Variants in STXBP5L observed in about 807,000 individuals in gnomAD.
STXBP5L encodes syntaxin-binding protein 5-like.
Under a neutral mutation model 144.5 loss-of-function variants are expected in STXBP5L, and 65 were observed. That is an observed-to-expected ratio of 0.45 (90% CI 0.37 to 0.55). STXBP5L has a LOEUF of 0.55. Ranked by LOEUF, STXBP5L falls within the 20% of genes least tolerant of loss-of-function variation. The pLI is 0.00. For synonymous variants in STXBP5L, 505 were observed against 469.6 expected, an observed-to-expected ratio of 1.08 and a Z score of -0.97; for missense variants, 1,298 against 1,405.5, an observed-to-expected ratio of 0.92 and a Z score of 1.22.
At chr3:121,036,547 C>T (rs1386033456) in intron 3 of STXBP5L, among the ~76,000 whole-genome samples, 1 of 151,934 alleles carries the variant, frequency 6.6e-6, no homozygotes, top group Admixed American at 6.6e-5. Context: ...ATAGATGATT[C>T]TTGCTTTATT....
At chr3:121,034,899 C>A (rs190419338) in intron 3 of STXBP5L, among the ~76,000 whole-genome samples, 1 of 152,082 alleles carries the variant, frequency 6.6e-6, no homozygotes, top group African/African-American at 2.4e-5. Flanking sequence ...TTTTGACTTT[C>A]TAATAATAGT....
intron 5 of STXBP5L, among the ~76,000 whole-genome samples, chr3:121,090,928 C>G (rs908686187): frequency 1.0e-5 from 1 of 98,482 alleles, no homozygotes; most frequent in African/African-American, 4.6e-5. Flanking sequence ...TCCCTCCCCC[C>G]TCCCCCCACC....
intron 3 of STXBP5L, among the ~76,000 whole-genome samples, chr3:121,039,727 T>G (rs1442298956): frequency 6.6e-6 from 1 of 151,910 alleles, no homozygotes; most frequent in African/African-American, 2.4e-5. Context: ...AAAAAAAATT[T>G]TATCTCTTCT....
chr3:120,933,399 T>G (rs1314854577), intron 2 of STXBP5L, among the ~76,000 whole-genome samples: 3 of 152,188 alleles, frequency 2.0e-5, no homozygotes, highest in Admixed American at 2.0e-4. Context: ...TCTATACTGA[T>G]GGAGTAGTGT....
chr3:121,077,800 C>G (rs2042083482), intron 5 of STXBP5L, among the ~76,000 whole-genome samples: 1 of 152,066 alleles, frequency 6.6e-6, no homozygotes, highest in South Asian at 2.1e-4. Context: ...TCTCCAAGTC[C>G]CCATCAGAGT....
intron 9 of STXBP5L, among the ~76,000 whole-genome samples, chr3:121,203,621 C>A (rs1433836675): frequency 2.0e-5 from 3 of 152,060 alleles, no homozygotes; most frequent in Non-Finnish European, 4.4e-5. Flanking sequence ...CACAAAAATT[C>A]TCTCCCAAGA....
intron 5 of STXBP5L, among the ~76,000 whole-genome samples, chr3:121,070,907 T>C (rs1459638621): frequency 1.3e-5 from 2 of 152,180 alleles, no homozygotes; most frequent in African/African-American, 2.4e-5. Context: ...ATTCGGACTT[T>C]AAACCCGAAG....
chr3:121,073,754 C>T (rs779215532), intron 5 of STXBP5L, among the ~76,000 whole-genome samples: 29 of 152,064 alleles, frequency 1.9e-4, no homozygotes, highest in Non-Finnish European at 2.4e-4. Flanking sequence ...AATGGTTTTG[C>T]CAAAAGCGAG....
At chr3:121,092,816 G>A (rs1460428771) in intron 5 of STXBP5L, among the ~76,000 whole-genome samples, 3 of 152,176 alleles carry the variant, frequency 2.0e-5, no homozygotes, top group Admixed American at 2.0e-4. Flanking sequence ...ATGTTGAATA[G>A]GAGTGGTGAG....
chr3:121,271,895 A>C (rs1476878260), intron 18 of STXBP5L, among the ~76,000 whole-genome samples: 1 of 152,194 alleles, frequency 6.6e-6, no homozygotes, highest in Non-Finnish European at 1.5e-5. Flanking sequence ...GTGGAAGGTG[A>C]AGGGGAAGCA....
chr3:121,134,098 G>T (rs899706871), intron 7 of STXBP5L, among the ~76,000 whole-genome samples: 2 of 152,074 alleles, frequency 1.3e-5, no homozygotes, highest in Admixed American at 6.5e-5. Flanking sequence ...ATAAAGAAAA[G>T]GAATTTATTT....
At position 120,983,989 on chromosome 3, in the gene STXBP5L, C is replaced by T. The variant is rs543476068; in HGVS notation, c.287+28952C>T. Among the ~76,000 whole-genome samples the T allele has an allele frequency of 5.3e-5, 8 of 152,352 alleles. 1 individual carries two copies. In the South Asian group the frequency reaches 8.3e-4, roughly 16 times the overall value. On this transcript the variant is annotated intron_variant, in intron 3 of 26. Transcript: ENST00000471454. ...TGTGGCATCCCTGGTGATCAGAGTG[C>T]AGAGTAGCTGCTGAGTTTCACACGT...
At chr3:121,059,360 G>A (rs2107623374) in intron 5 of STXBP5L, among the ~76,000 whole-genome samples, 1 of 152,290 alleles carries the variant, frequency 6.6e-6, no homozygotes. Context: ...GTACCATGGT[G>A]TTTTCATTAC....
chr3:121,314,784 A>G (rs2043721054), intron 19 of STXBP5L, among the ~76,000 whole-genome samples: 1 of 152,244 alleles, frequency 6.6e-6, no homozygotes, highest in Non-Finnish European at 1.5e-5. Flanking sequence ...AAACAAGTTT[A>G]CAAGAAAAAA....
At chr3:121,165,197 T>C (rs188850786) in intron 9 of STXBP5L, among the ~76,000 whole-genome samples, 2 of 152,310 alleles carry the variant, frequency 1.3e-5, no homozygotes, top group African/African-American at 4.8e-5. Context: ...GTAGGTAAGG[T>C]TAAAAAAAGT....
chr3:120,977,034 G>A (rs1260053869), intron 3 of STXBP5L, among the ~76,000 whole-genome samples: 1 of 152,124 alleles, frequency 6.6e-6, no homozygotes, highest in Non-Finnish European at 1.5e-5. Context: ...GATTTGGGGT[G>A]GAGAGTTCTG....
At chr3:121,107,411 T>A (rs1472529496) in intron 5 of STXBP5L, among the ~76,000 whole-genome samples, 2 of 152,044 alleles carry the variant, frequency 1.3e-5, no homozygotes, top group South Asian at 2.1e-4. Flanking sequence ...AAGGAAGGGA[T>A]CCAGTTTCAA....
In STXBP5L at chr3:121,423,754, T is replaced by A. The variant is rs1011772625; in HGVS notation, c.*4657T>A. The A allele has an allele frequency of 1.3e-5, 2 of 152,194 alleles. No homozygotes were observed. The highest frequency in any genetic ancestry group is 4.8e-5 in the African/African-American group (2 of 41,454). 9.4% of individuals were successfully genotyped at this position (152,194 alleles called of 1,614,324 possible). A position where few individuals can be genotyped will look rare whatever the true frequency, so the allele number is the denominator to read the frequency against. On this transcript the variant is annotated 3_prime_UTR_variant, in exon 27 of 27. Coordinates refer to ENST00000471454, the MANE Select transcript of STXBP5L (RefSeq NM_001308330.2). ...TTTATGGCCAACTAAGGAAACCTTG[T>A]TTGTCTGCCTTGGCTGGTGCTCCAG... is the stretch of plus-strand genomic sequence containing the variant.
intron 5 of STXBP5L, among the ~76,000 whole-genome samples, chr3:121,055,130 A>ATGT (rs1948359088): frequency 6.6e-6 from 1 of 152,224 alleles, no homozygotes; most frequent in South Asian, 2.1e-4. Flanking sequence ...CTTACATTAA[A>ATGT]GATAAATGTG....
Sources: allele counts gnomAD v4.1 joint callset (sites outside exome capture counted in the v4.1 genomes callset), GRCh38; gene constraint gnomAD v4.1.1; transcripts MANE v1.5; gene names NCBI Gene and HGNC (gene_info 2026-07-23, HGNC 2026-07-21).